The following ADAMTS14 variants were observed in gnomAD, a reference collection of about 807,000 sequenced individuals.
The protein encoded by ADAMTS14 is A disintegrin and metalloproteinase with thrombospondin motifs 14.
Under a neutral mutation model 128.6 loss-of-function variants are expected in ADAMTS14, and 100 were observed. The observed-to-expected ratio is 0.78, with a 90% CI of 0.66 to 0.92. ADAMTS14 has a LOEUF of 0.92. Among genes scored for constraint, ADAMTS14 ranks in the 40% least tolerant of loss-of-function variants. The pLI, the probability that ADAMTS14 is intolerant of heterozygous loss-of-function variation, is 0.00. For synonymous variants in ADAMTS14, 665 were observed against 653.8 expected (o/e 1.02, Z -0.26); for missense variants, 1,562 against 1,658.6 (o/e 0.94, Z 1.01).
At chr10:70,696,749 G>C (rs1054275777) in intron 2 of ADAMTS14, among the ~76,000 whole-genome samples, 1 of 152,166 alleles carries the variant, frequency 6.6e-6, no homozygotes, top group Admixed American at 6.5e-5. Context: ...GCAGGGCAGT[G>C]GGGGAAGAGA....
rs1407808253 is a variant in ADAMTS14, at chr10:70,761,946, C to CA, written c.*1094dup. ...CAAGGGCCACCCAGGCCAAGTGCCC[C>CA]AGGGCAGGGTGCCAGCCCCTGGCCT... On this transcript the variant is annotated 3_prime_UTR_variant, in exon 22 of 22. Coordinates refer to ENST00000373207, the MANE Select transcript of ADAMTS14 (RefSeq NM_080722.4). 1.3e-5 allele frequency: 2 copies of CA among 152,704 alleles called. No individual in the cohort carries two copies. Among genetic ancestry groups the CA allele is most frequent in the African/African-American group, 4.8e-5 (2 of 41,452 alleles). 9.5% of individuals were successfully genotyped at this position (152,704 alleles called of 1,614,324 possible).
chr10:70,719,585 T>A (rs1420524), intron 4 of ADAMTS14, among the ~76,000 whole-genome samples: 70,025 of 151,462 alleles, frequency 0.46, 17,140 homozygotes, highest in East Asian at 0.79. Flanking sequence ...TTTTTTTTTT[T>A]AAAAAATAGA....
At chr10:70,682,592 A>G (rs1839843530) in intron 2 of ADAMTS14, among the ~76,000 whole-genome samples, 1 of 152,166 alleles carries the variant, frequency 6.6e-6, no homozygotes, top group Non-Finnish European at 1.5e-5. Flanking sequence ...TACAGTTGTC[A>G]TGTGTGTAAA....
intron 2 of ADAMTS14, among the ~76,000 whole-genome samples, chr10:70,690,733 C>T (rs554011737): frequency 2.1e-5 from 3 of 145,328 alleles, no homozygotes; most frequent in African/African-American, 7.3e-5. Context: ...GGGTGCAGCA[C>T]CTTGCCCAGT....
intron 2 of ADAMTS14, among the ~76,000 whole-genome samples, chr10:70,701,151 C>T (rs1840481229): frequency 1.3e-5 from 2 of 152,202 alleles, no homozygotes; most frequent in Non-Finnish European, 2.9e-5. Flanking sequence ...CTGCTGGAGG[C>T]TTAGTGATGG....
chr10:70,699,834 G>T (rs1240046263), intron 2 of ADAMTS14, among the ~76,000 whole-genome samples: 1 of 152,138 alleles, frequency 6.6e-6, no homozygotes, highest in African/African-American at 2.4e-5. Context: ...TCCACTTCCT[G>T]GTCTGGAGAG....
At chr10:70,715,072 T>A (rs753933) in intron 4 of ADAMTS14, among the ~76,000 whole-genome samples, 104,005 of 151,786 alleles carry the variant, frequency 0.69, 35,772 homozygotes, top group East Asian at 0.81. Context: ...TTAGGAGAAC[T>A]AACGGGAGAT....
Position 70,735,385 on chromosome 10 carries a change from C to T in ADAMTS14, c.1485+84C>T, listed in dbSNP as rs560230179. 3.3e-6 allele frequency: 5 copies of T among 1,530,116 alleles called. No individual in the cohort carries two copies. The South Asian group carries it at 3.8e-5, about 12-fold the overall frequency. 94.8% of individuals were successfully genotyped at this position (1,530,116 alleles called of 1,614,324 possible). ...GCCCATGCTGACCATTCATGAGGTG[C>T]CTTCTGCCCAGCTGGCCAGTGGGCC... is the stretch of plus-strand genomic sequence containing the variant. On this transcript the variant is annotated intron_variant, in intron 9 of 21. Coordinates refer to ENST00000373207, the MANE Select transcript of ADAMTS14 (RefSeq NM_080722.4).
Position 70,672,733 on chromosome 10 carries a change from T to C in ADAMTS14, c.-70T>C. On this transcript the variant is annotated 5_prime_UTR_variant, in exon 1 of 22. Transcript: ENST00000373207. ...TGCTCCGACAGCCCGGGGCGCACCC[T>C]AGCCTCGCCGCCCTCAGCCTGGGAC... is the stretch of plus-strand genomic sequence containing the variant. The C allele has an allele frequency of 7.0e-7, 1 of 1,432,436 alleles. No individual in the cohort carries two copies. 88.7% of individuals were successfully genotyped at this position (1,432,436 alleles called of 1,614,324 possible).
chr10:70,737,036 A>C (rs1841849626), intron 10 of ADAMTS14, among the ~76,000 whole-genome samples: 1 of 152,172 alleles, frequency 6.6e-6, no homozygotes, highest in Non-Finnish European at 1.5e-5. Context: ...GGCTGAGGGT[A>C]GCATGATCTC....
At chr10:70,729,502 G>A (rs754922016) in intron 5 of ADAMTS14, 125 bp downstream of exon 5, 216 of 821,382 alleles carry the variant, frequency 2.6e-4, no homozygotes, top group Non-Finnish European at 3.9e-4. Context: ...ATCAGAACTT[G>A]AGGCTATTAG....
intron 15 of ADAMTS14, among the ~76,000 whole-genome samples, chr10:70,747,425 G>C (rs1015089765): frequency 6.6e-6 from 1 of 152,002 alleles, no homozygotes; most frequent in Non-Finnish European, 1.5e-5. Context: ...GTTCAGGCAA[G>C]TCCTGCCTGC....
intron 3 of ADAMTS14, among the ~76,000 whole-genome samples, chr10:70,705,608 C>A (rs544883312): frequency 6.6e-6 from 1 of 152,366 alleles, no homozygotes; most frequent in African/African-American, 2.4e-5. Context: ...CCCTGCCGTC[C>A]AACGCCCCCT....
At chr10:70,744,034 C>A in intron 13 of ADAMTS14, 32 bp from the exon 14 acceptor site, 1 of 1,551,086 alleles carries the variant, frequency 6.4e-7, no homozygotes, top group Non-Finnish European at 8.7e-7. Context: ...GGCAGGGGAG[C>A]CTCCTCCCAC....
At position 70,733,923 on chromosome 10, in the gene ADAMTS14, C is replaced by A; in HGVS notation, c.1247C>A (p.Ala416Glu). 1 of 1,613,866 alleles carries A rather than the reference C, an allele frequency of 6.2e-7. No individual in the cohort carries two copies. Among genetic ancestry groups the A allele is most frequent in the Non-Finnish European group, 8.5e-7 (1 of 1,179,986 alleles). The part of the protein sequence containing the change: ...MEHDGQGNGC[A>E]DETSLGSVMA... ...CATGACGGTCAGGGGAATGGCTGTG[C>A]AGATGAGACCAGCCTGGGCAGCGTC... Residue 416 changes from alanine (A) to glutamate (E), a missense_variant, in exon 8 of 22, where the codon GCA becomes GAA. Ala to Glu is a moderately radical substitution (Grantham distance 107). Transcript: ENST00000373207.
intron 2 of ADAMTS14, among the ~76,000 whole-genome samples, chr10:70,676,954 A>G (rs1839663627): frequency 1.3e-5 from 2 of 152,170 alleles, no homozygotes; most frequent in African/African-American, 2.4e-5. Flanking sequence ...AGCTTCTCTG[A>G]CTGCCCTCCT....
At chr10:70,694,047 A>G (rs937945522) in intron 2 of ADAMTS14, among the ~76,000 whole-genome samples, 1 of 152,176 alleles carries the variant, frequency 6.6e-6, no homozygotes, top group African/African-American at 2.4e-5. Flanking sequence ...CAGCTTTCAG[A>G]CTTTTTTTGG....
At chr10:70,730,070 C>T (rs373652094) in intron 5 of ADAMTS14, 32 bp from the exon 6 acceptor site, 23 of 1,558,164 alleles carry the variant, frequency 1.5e-5, no homozygotes, top group South Asian at 4.7e-5. Flanking sequence ...TGACCCTCCA[C>T]GTGGCTGTTG....
chr10:70,755,502 T>C (rs917121679), intron 19 of ADAMTS14, among the ~76,000 whole-genome samples: 2 of 152,038 alleles, frequency 1.3e-5, no homozygotes, highest in African/African-American at 4.8e-5. Context: ...TGGTAATGAT[T>C]GTACAACAAT....
Sources: allele counts gnomAD v4.1 joint callset (sites outside exome capture counted in the v4.1 genomes callset), GRCh38; gene constraint gnomAD v4.1.1; transcripts MANE v1.5; gene names NCBI Gene and HGNC (gene_info 2026-07-23, HGNC 2026-07-21).